Variants in ARHGEF19 observed in about 807,000 individuals in gnomAD.
The protein encoded by ARHGEF19 is Rho guanine nucleotide exchange factor 19.
ARHGEF19 carries 92 observed loss-of-function variants against 87.6 expected under a neutral mutation model. That is an observed-to-expected ratio of 1.05 (90% confidence interval 0.89 to 1.25). The LOEUF is 1.25. ARHGEF19 is among the 50% of genes most tolerant of loss of function. The pLI is 0.00. For synonymous variants in ARHGEF19, 438 were observed against 446.2 expected, an observed-to-expected ratio of 0.98 and a Z score of 0.23; for missense variants, 1,054 against 1,051.8, an observed-to-expected ratio of 1.00 and a Z score of -0.03.
In ARHGEF19 at chr1:16,206,410, C is replaced by T; in HGVS notation, c.1138-70G>A. Reference sequence around the variant, plus strand: ...CCTCGGAGGCCCTGGCCTCACATCCCCAGACCCCAGGACGCCACACCTCGC... The same window carrying T: ...CCTCGGAGGCCCTGGCCTCACATCCTCAGACCCCAGGACGCCACACCTCGC... On this transcript the variant is annotated intron_variant, in intron 6 of 15. Coordinates refer to ENST00000270747, the MANE Select transcript of ARHGEF19 (RefSeq NM_153213.5). The surrounding 1 kb of genome is among the most constrained non-coding windows in gnomAD (Gnocchi z 4.6). 1 of 1,518,124 alleles carries T rather than the reference C, an allele frequency of 6.6e-7. No individual in the cohort carries two copies. The highest frequency in any genetic ancestry group is 2.4e-5 in the East Asian group (1 of 40,996). The allele number at this position is 1,518,124 out of a possible 1,614,324, so 94.0% of individuals were successfully genotyped here.
rs2081133557 is a variant in ARHGEF19, at chr1:16,206,236, C to A, written c.1242G>T (p.Ala414=). The A allele has an allele frequency of 6.3e-7, 1 of 1,596,204 alleles. No homozygotes were observed. Among genetic ancestry groups the A allele is most frequent in the Non-Finnish European group, 8.5e-7 (1 of 1,171,496 alleles). ...GSAELSECLG[A]QDKQWLFSKL... ...TGGAAAACAGCCACTGCTTGTCCTG[C>A]GCCCCCAGACACTCGCTCAGCTCGG... The change falls in exon 7 of 16, where the codon GCG becomes GCT. Residue 414 remains alanine (A), a synonymous_variant. Transcript: ENST00000270747. The surrounding 1 kb of genome is among the most constrained non-coding windows in gnomAD (Gnocchi z 4.6).
At position 16,207,423 on chromosome 1, in the gene ARHGEF19, C is replaced by A; in HGVS notation, c.874+99G>T. ...ACAGTTCCATTCTCCGTTTCTCACT[C>A]GATCCCTACCTCTCAACTCTCCAAA... On this transcript the variant is annotated intron_variant, in intron 5 of 15. Coordinates refer to ENST00000270747, the MANE Select transcript of ARHGEF19 (RefSeq NM_153213.5). This position sits in a 1 kb window ranked among gnomAD's most constrained non-coding sequence, Gnocchi z 4.0. 1.4e-6 allele frequency: 2 copies of A among 1,480,418 alleles called. No individual in the cohort carries two copies. The highest frequency in any genetic ancestry group is 1.8e-6 in the Non-Finnish European group (2 of 1,085,146). 91.7% of individuals were successfully genotyped at this position (1,480,418 alleles called of 1,614,324 possible). A position where few individuals can be genotyped will look rare whatever the true frequency, so the allele number is the denominator to read the frequency against.
Position 16,209,117 on chromosome 1 carries a change from G to T in ARHGEF19, c.-29-34C>A, listed in dbSNP as rs998035690. On this transcript the variant is annotated intron_variant, in intron 1 of 15. Transcript: ENST00000270747. ...GAGAAGATATCAGACCTAGACAGAG[G>T]ACAGTGGGGCTGGCCAGTAAGCCAC... 1.0e-5 allele frequency: 14 copies of T among 1,381,216 alleles called. No homozygotes were observed. The African/African-American group carries it at 1.6e-4, about 16-fold the overall frequency. 85.6% of individuals were successfully genotyped at this position (1,381,216 alleles called of 1,614,324 possible).
intron 1 of ARHGEF19, among the ~76,000 whole-genome samples, chr1:16,210,327 G>T (rs1384923129): frequency 6.6e-6 from 1 of 152,204 alleles, no homozygotes; most frequent in Non-Finnish European, 1.5e-5. Flanking sequence ...ACCCTAGCCT[G>T]GCCTCGCTGT....
At position 16,206,162 on chromosome 1, in the gene ARHGEF19, G is replaced by GCCAGA. The variant is rs1402451266; in HGVS notation, c.1298+13_1298+17dup. 3 of 1,590,204 alleles carry GCCAGA rather than the reference G, an allele frequency of 1.9e-6. No individual in the cohort carries two copies. The highest frequency in any genetic ancestry group is 2.3e-5 in the East Asian group (1 of 44,268). ...TGGCTCCGTCCCCACCCCGGGCCAG[G>GCCAGA]CCAGACCACTTCTTCACCTCTCGCT... On this transcript the variant is annotated intron_variant, in intron 7 of 15. Transcript: ENST00000270747. The surrounding 1 kb of genome is among the most constrained non-coding windows in gnomAD (Gnocchi z 4.6).
Position 16,201,858 on chromosome 1 carries a change from A to C in ARHGEF19, c.2070T>G (p.Ser690Arg), listed in dbSNP as rs2081086069. The C allele has an allele frequency of 1.9e-6, 3 of 1,613,440 alleles. No homozygotes were observed. In the African/African-American group the frequency reaches 4.0e-5, roughly 22 times the overall value. Residue 690 changes from serine to arginine, a missense_variant, in exon 14 of 16, where the codon AGT (serine) becomes AGG (arginine). Coordinates refer to ENST00000270747, the MANE Select transcript of ARHGEF19 (RefSeq NM_153213.5). ...AGGCTGAGATCCATCGCTGCTTCTC[A>C]CTTCTAGGGAAGGGGGAGGCTAAGT... Reference protein sequence around the residue: ...HQFLLRARTESEKQRWISALC... With the variant: ...HQFLLRARTEREKQRWISALC...
In ARHGEF19 at chr1:16,198,854, G is replaced by A; in HGVS notation, c.2252-110C>T. The A allele has an allele frequency of 2.2e-6, 3 of 1,369,860 alleles. No homozygotes were observed. The highest frequency in any genetic ancestry group is 3.0e-6 in the Non-Finnish European group (3 of 1,014,002). The allele number at this position is 1,369,860 out of a possible 1,614,324, so 84.9% of individuals were successfully genotyped here. A position where few individuals can be genotyped will look rare whatever the true frequency, so the allele number is the denominator to read the frequency against. Reference sequence around the variant, plus strand: ...CTTTGTCTGCACCCTTGGGGCCAAGGTGACATCATCTCAGCATCTCTCAGC... The same window carrying A: ...CTTTGTCTGCACCCTTGGGGCCAAGATGACATCATCTCAGCATCTCTCAGC... On this transcript the variant is annotated intron_variant, in intron 15 of 15. Coordinates refer to ENST00000270747, the MANE Select transcript of ARHGEF19 (RefSeq NM_153213.5). This position sits in a 1 kb window ranked among gnomAD's most constrained non-coding sequence, Gnocchi z 4.1.
Position 16,207,543 on chromosome 1 carries a change from G to A in ARHGEF19, c.853C>T (p.Gln285Ter). 1 of 1,613,962 alleles carries A rather than the reference G, an allele frequency of 6.2e-7. No homozygotes were observed. Among genetic ancestry groups the A allele is most frequent in the Non-Finnish European group, 8.5e-7 (1 of 1,179,984 alleles). Residue 285 changes from glutamine to a stop codon, truncating the protein, a stop_gained, in exon 5 of 16, where the codon CAG (glutamine) becomes TAG (stop). Coordinates refer to ENST00000270747, the MANE Select transcript of ARHGEF19 (RefSeq NM_153213.5). LOFTEE classifies it high-confidence loss of function. The surrounding 1 kb of genome is among the most constrained non-coding windows in gnomAD (Gnocchi z 4.0). ...LGSRSTNERR[Q>*]SRFLLNSVLY... The stretch of plus-strand genomic sequence containing the variant: ...GTACAGTTAAGGAGGAATCGAGACT[G>A]GCGCCGCTCGTTGGTGCTCCTGGAC...
Position 16,199,176 on chromosome 1 carries a change from A to T in ARHGEF19, c.2225T>A (p.Leu742Gln). ...GTCACTGGTCCAGGTCCTCACTGAC[A>T]GGATGTCAGTCTTCTCCAAGGTCAG... ...DELTLEKTDI[L>Q]SVRTWTSDGW... Residue 742 changes from leucine (L) to glutamine (Q), a missense_variant, in exon 15 of 16, where the codon CTG becomes CAG. Physicochemically the swap from Leu to Gln is moderately radical, Grantham distance 113. Transcript: ENST00000270747. 6.2e-7 allele frequency: 1 copy of T among 1,614,018 alleles called. No homozygotes were observed. The highest frequency in any genetic ancestry group is 8.5e-7 in the Non-Finnish European group (1 of 1,179,942).
At chr1:16,203,203 C>T (rs1305090798) in intron 12 of ARHGEF19, among the ~76,000 whole-genome samples, 2 of 151,732 alleles carry the variant, frequency 1.3e-5, no homozygotes, top group East Asian at 1.9e-4. Context: ...GTTCCACAGA[C>T]GTCAACTCAT....
At position 16,198,714 on chromosome 1, in the gene ARHGEF19, C is replaced by A; in HGVS notation, c.2282G>T (p.Gly761Val). The change falls in exon 16 of 16, where the codon GGT (glycine) becomes GTT (valine). Residue 761 changes from glycine (G) to valine (V), a missense_variant. By Grantham distance (109) the Gly-to-Val change is moderately radical. Coordinates refer to ENST00000270747, the MANE Select transcript of ARHGEF19 (RefSeq NM_153213.5). This position sits in a 1 kb window ranked among gnomAD's most constrained non-coding sequence, Gnocchi z 4.1. ...GGCCTGGGGCACCCACCCCTTCTCA[C>A]CATCTGCCAGGCGGACCCCTTCCAG... is the stretch of plus-strand genomic sequence containing the variant. ...GWLEGVRLAD[G>V]EKGWVPQAYV... The A allele has an allele frequency of 1.2e-6, 2 of 1,611,170 alleles. No homozygotes were observed. Among genetic ancestry groups the A allele is most frequent in the Non-Finnish European group, 1.7e-6 (2 of 1,178,280 alleles).
Position 16,207,119 on chromosome 1 carries a change from C to T in ARHGEF19, c.966G>A (p.Glu322=), listed in dbSNP as rs752442735. The change falls in exon 6 of 16, where the codon GAG becomes GAA. Residue 322 remains glutamate (E), a synonymous_variant. Coordinates refer to ENST00000270747, the MANE Select transcript of ARHGEF19 (RefSeq NM_153213.5). This position sits in a 1 kb window ranked among gnomAD's most constrained non-coding sequence, Gnocchi z 4.0. ...GCGGCCCCGGCCCCTCCTCTGCGCC[C>T]TCGGCCTCGTCCCCCGGGCCCTCCT... ...REEEGPGDEA[E]GAEEGPGPPR... The T allele has an allele frequency of 5.3e-6, 8 of 1,518,084 alleles. No homozygotes were observed. The highest frequency in any genetic ancestry group is 3.7e-5 in the South Asian group (3 of 81,524). 94.0% of individuals were successfully genotyped at this position (1,518,084 alleles called of 1,614,324 possible).
Position 16,208,097 on chromosome 1 carries a change from A to T in ARHGEF19, c.541T>A (p.Ser181Thr). ...TCGAGGCTCACTCGGGTGGACCCAG[A>T]CAACTCCACCCTGGGCTCCTCTGTG... ...LSTEEPRVEL[S>T]GSTRVSLEGP... Residue 181 changes from serine to threonine, a missense_variant, in exon 3 of 16, where the codon TCT becomes ACT. By Grantham distance (58) the Ser-to-Thr change is moderately conservative (BLOSUM62 1). Coordinates refer to ENST00000270747, the MANE Select transcript of ARHGEF19 (RefSeq NM_153213.5). 2 of 1,614,050 alleles carry T rather than the reference A, an allele frequency of 1.2e-6. No homozygotes were observed. The highest frequency in any genetic ancestry group is 1.3e-5 in the African/African-American group (1 of 75,062).
At chr1:16,202,808 G>A (rs2081094786) in intron 12 of ARHGEF19, among the ~76,000 whole-genome samples, 1 of 152,218 alleles carries the variant, frequency 6.6e-6, no homozygotes, top group Non-Finnish European at 1.5e-5. Flanking sequence ...CAGTCCCTGA[G>A]CCCCAAGCAC....
chr1:16,205,154 C>T lies in ARHGEF19; in HGVS notation c.1679G>A (p.Ser560Asn), dbSNP rs1455726494. ...CTCTGTCCTCTTCATGGACTGTACA[C>T]TAGCATTGCACTCCTGCACCAGCTG... ...LKELVQECNASVQSMKRTEEL... is the reference protein window; with the variant it reads ...LKELVQECNANVQSMKRTEEL... The change falls in exon 11 of 16, where the codon AGT becomes AAT. Residue 560 changes from serine to asparagine, a missense_variant. Ser to Asn is a conservative substitution (Grantham distance 46). Coordinates refer to ENST00000270747, the MANE Select transcript of ARHGEF19 (RefSeq NM_153213.5). The surrounding 1 kb of genome is among the most constrained non-coding windows in gnomAD (Gnocchi z 5.8). 1 of 1,602,046 alleles carries T rather than the reference C, an allele frequency of 6.2e-7. No homozygotes were observed. The highest frequency in any genetic ancestry group is 8.5e-7 in the Non-Finnish European group (1 of 1,174,250).
chr1:16,206,953 G>A lies in ARHGEF19; in HGVS notation c.1132C>T (p.Gln378Ter), dbSNP rs2081143010. 2 of 1,488,546 alleles carry A rather than the reference G, an allele frequency of 1.3e-6. No homozygotes were observed. The highest frequency in any genetic ancestry group is 1.8e-6 in the Non-Finnish European group (2 of 1,126,704). The allele number at this position is 1,488,546 out of a possible 1,614,324, so 92.2% of individuals were successfully genotyped here. ...ATLSLRDCKL[Q>*]EAKFELITSE... ...GGGTCCCCGCGCGCGCCCACCTCCT[G>A]CAGCTTGCAGTCCCGCAGGCTCAGC... The change falls in exon 6 of 16, where the codon CAG (glutamine) becomes TAG (stop). Residue 378 changes from glutamine (Q) to a stop codon, truncating the protein, a stop_gained. Coordinates refer to ENST00000270747, the MANE Select transcript of ARHGEF19 (RefSeq NM_153213.5). LOFTEE classifies it high-confidence loss of function. This position sits in a 1 kb window ranked among gnomAD's most constrained non-coding sequence, Gnocchi z 4.6.
Position 16,206,506 on chromosome 1 carries a change from G to T in ARHGEF19, c.1138-166C>A, listed in dbSNP as rs1257485781. On this transcript the variant is annotated intron_variant, in intron 6 of 15. Transcript: ENST00000270747. This position sits in a 1 kb window ranked among gnomAD's most constrained non-coding sequence, Gnocchi z 4.6. ...GGCCCGGCGACCCACGTCCCGCCGC[G>T]GGAAATTGTGCAAGCCTTTCCTGTC... 2.8e-6 allele frequency: 2 copies of T among 715,952 alleles called. No individual in the cohort carries two copies. Among genetic ancestry groups the T allele is most frequent in the Non-Finnish European group, 2.4e-6 (1 of 424,856 alleles). The allele number at this position is 715,952 out of a possible 1,614,324, so 44.3% of individuals were successfully genotyped here.
chr1:16,211,454 C>T (rs1232444798), intron 1 of ARHGEF19, among the ~76,000 whole-genome samples: 1 of 152,230 alleles, frequency 6.6e-6, no homozygotes, highest in Non-Finnish European at 1.5e-5. Flanking sequence ...TCTCCCATGG[C>T]TCACAGGGAT....
chr1:16,205,785 G>T lies in ARHGEF19; in HGVS notation c.1452-118C>A. 1 of 1,486,888 alleles carries T rather than the reference G, an allele frequency of 6.7e-7. No individual in the cohort carries two copies. Among genetic ancestry groups the T allele is most frequent in the Non-Finnish European group, 9.0e-7 (1 of 1,112,880 alleles). The allele number at this position is 1,486,888 out of a possible 1,614,324, so 92.1% of individuals were successfully genotyped here. ...CAGCACATCCTTACTGCCCTTTGGG[G>T]TTGCATCTCACCTTATCCTGGTCAC... On this transcript the variant is annotated intron_variant, in intron 8 of 15. Coordinates refer to ENST00000270747, the MANE Select transcript of ARHGEF19 (RefSeq NM_153213.5). The surrounding 1 kb of genome is among the most constrained non-coding windows in gnomAD (Gnocchi z 5.8).
Sources: gnomAD v4.1 joint callset for allele counts (sites outside exome capture counted in the v4.1 genomes callset) on GRCh38, gnomAD v4.1.1 for gene constraint, Gnocchi (gnomAD v3.1) non-coding constraint, MANE v1.5 for transcripts, NCBI Gene and HGNC (gene_info 2026-07-23, HGNC 2026-07-21) for gene names.